GRIA3: variants seen among roughly 807,000 people sequenced by gnomAD.
The protein encoded by GRIA3 is glutamate receptor 3.
GRIA3 carries 3 observed loss-of-function variants against 63.0 expected under a neutral mutation model. The ratio of observed to expected loss-of-function variants is 0.05; its 90% CI spans 0.02 to 0.12. The LOEUF is 0.12. Ranked by LOEUF, GRIA3 falls within the 10% of genes least tolerant of loss-of-function variation. The pLI is 1.00. For synonymous variants in GRIA3, 274 were observed against 257.9 expected, an observed-to-expected ratio of 1.06 and a Z score of -0.60; for missense variants, 347 against 700.9, an observed-to-expected ratio of 0.50 and a Z score of 5.70.
chrX:123,439,240 C>T (rs772344465), intron 12 of GRIA3, among the ~76,000 whole-genome samples: 1 of 111,868 alleles, frequency 8.9e-6, no homozygotes, highest in Admixed American at 9.5e-5. Context: ...CATTGTCCTC[C>T]CTCTGTTTTA....
chrX:123,268,034 G>T (rs1001988235), intron 3 of GRIA3, among the ~76,000 whole-genome samples: 1 of 111,722 alleles, frequency 9.0e-6, no homozygotes, highest in Non-Finnish European at 1.9e-5. Flanking sequence ...AAACGTTACT[G>T]ATCTCACAAT....
chrX:123,342,540 T>G (rs1183712956), intron 4 of GRIA3, among the ~76,000 whole-genome samples: 1 of 112,114 alleles, frequency 8.9e-6, no homozygotes, highest in African/African-American at 3.2e-5. Context: ...TTGTCAGAGC[T>G]TCAGGGACTG....
intron 2 of GRIA3, among the ~76,000 whole-genome samples, chrX:123,220,861 C>G (rs1339380911): frequency 8.9e-6 from 1 of 111,873 alleles, no homozygotes; most frequent in Non-Finnish European, 1.9e-5. Context: ...GGAAATATGA[C>G]TGTCTCAGAG....
chrX:123,464,459 C>G (rs2045824242), intron 12 of GRIA3, among the ~76,000 whole-genome samples: 1 of 111,584 alleles, frequency 9.0e-6, no homozygotes, highest in South Asian at 3.8e-4. Context: ...TTATAATGGT[C>G]TTTGATTAGG....
rs372811132 is a variant in GRIA3 at position 123,398,621 on chromosome X, A to G, written c.913-15A>G. On this transcript the variant is annotated splice_polypyrimidine_tract_variant and intron_variant, in intron 6 of 15. Transcript: ENST00000620443. ...CATTTATCATGATATCTTGTTTTTC[A>G]TGCATCCATTTCAGTATACATCTGC... 2.8e-4 allele frequency: 335 copies of G among 1,187,570 alleles called. 1 individual carries two copies. The African/African-American group carries it at 5.2e-3, about 18-fold the overall frequency.
At chrX:123,202,811 G>A in intron 2 of GRIA3, 1 of 1,137,736 alleles carries the variant, frequency 8.8e-7, no homozygotes, top group Non-Finnish European at 1.2e-6. Context: ...AAATCAGCAA[G>A]GTGGAAGGAA....
rs776213831 is a variant in GRIA3, at chrX:123,310,434, AC to A, written c.509-15591del. On this transcript the variant is annotated intron_variant, in intron 3 of 15. Coordinates refer to ENST00000620443, the MANE Select transcript of GRIA3 (RefSeq NM_007325.5). ...GCTTACTTCTCATCCAGAGATCTAG[AC>A]TTTTCCCTCCATCTTGGCCAGCCAA... Among the ~76,000 whole-genome samples, 45 of 113,040 alleles carry A rather than the reference AC, an allele frequency of 4.0e-4. No individual in the cohort carries two copies. The East Asian group carries it at 6.7e-3, about 17-fold the overall frequency.
chrX:123,301,556 C>T (rs1207043261), intron 3 of GRIA3, among the ~76,000 whole-genome samples: 1 of 111,189 alleles, frequency 9.0e-6, no homozygotes, highest in African/African-American at 3.3e-5. Context: ...TAGAGCAATG[C>T]CCATCACATA....
chrX:123,404,681 C>A (rs1011626767), intron 9 of GRIA3, 27 bp from the exon 10 acceptor site: 1 of 1,049,644 alleles, frequency 9.5e-7, no homozygotes, highest in Non-Finnish European at 1.3e-6. Context: ...TAGGAGTAAT[C>A]CTTTTATCTT....
intron 5 of GRIA3, among the ~76,000 whole-genome samples, chrX:123,365,244 A>C (rs985693273): frequency 9.8e-5 from 11 of 111,738 alleles, no homozygotes; most frequent in Non-Finnish European, 1.5e-4. Context: ...TTTGTCAATC[A>C]CAATAATATT....
intron 3 of GRIA3, among the ~76,000 whole-genome samples, chrX:123,322,570 T>A (rs760666096): frequency 9.0e-6 from 1 of 111,456 alleles, no homozygotes; most frequent in Non-Finnish European, 1.9e-5. Context: ...TTTTCTCTTT[T>A]TTTTTCTCCC....
rs190067418 is a variant in GRIA3, at chrX:123,308,191, G to A, written c.509-17835G>A. Reference sequence around the variant, plus strand: ...CCAATCTGTGTTAACCAGCCAAAGCGTAGTTCTCAGTCGTTATACAAGAAT... The same window carrying A: ...CCAATCTGTGTTAACCAGCCAAAGCATAGTTCTCAGTCGTTATACAAGAAT... On this transcript the variant is annotated intron_variant, in intron 3 of 15. Transcript: ENST00000620443. Among the ~76,000 whole-genome samples, 55 of 111,812 alleles carry A rather than the reference G, an allele frequency of 4.9e-4. 1 individual carries two copies. Among genetic ancestry groups the A allele is most frequent in the African/African-American group, 1.7e-3 (51 of 30,813 alleles).
chrX:123,212,444 T>C lies in GRIA3; in HGVS notation c.268+26454T>C, dbSNP rs749279526. Among the ~76,000 whole-genome samples the C allele has an allele frequency of 1.7e-4, 19 of 111,907 alleles. No homozygotes were observed. In the East Asian group the frequency reaches 5.0e-3, roughly 30 times the overall value. On this transcript the variant is annotated intron_variant, in intron 2 of 15. Transcript: ENST00000620443. ...ACTTCTCTAGAAGTATCTTCATCTTTTGGGCTTTTAAGATATTACCCTGAG... is the reference window on the plus strand; with the variant it reads ...ACTTCTCTAGAAGTATCTTCATCTTCTGGGCTTTTAAGATATTACCCTGAG...
rs1022730244 is a variant in GRIA3, at chrX:123,200,812, C to T, written c.268+14822C>T. On this transcript the variant is annotated intron_variant, in intron 2 of 15. Coordinates refer to ENST00000620443, the MANE Select transcript of GRIA3 (RefSeq NM_007325.5). ...TTTTTCTGGTCTTTTTTGGGATGAT[C>T]ATTATTCCTCCACCGGGTAGGGCAA... 2.7e-5 allele frequency among the ~76,000 whole-genome samples: 3 copies of T among 111,069 alleles called. No homozygotes were observed. In the South Asian group the frequency reaches 1.1e-3, roughly 42 times the overall value.
At chrX:123,329,344 C>T (rs1396902165) in intron 4 of GRIA3, among the ~76,000 whole-genome samples, 1 of 111,977 alleles carries the variant, frequency 8.9e-6, no homozygotes, top group Non-Finnish European at 1.9e-5. Context: ...AAAATATAAG[C>T]AGGTCTTCAA....
chrX:123,362,139 T>A (rs1369695292), intron 5 of GRIA3, among the ~76,000 whole-genome samples: 1 of 111,774 alleles, frequency 8.9e-6, no homozygotes, highest in Non-Finnish European at 1.9e-5. Context: ...AAGTGTTTTT[T>A]TCTATATATA....
At chrX:123,203,336 T>G (rs892612261) in intron 2 of GRIA3, among the ~76,000 whole-genome samples, 3 of 112,099 alleles carry the variant, frequency 2.7e-5, no homozygotes, top group African/African-American at 9.7e-5. Context: ...ATCCTCCCTT[T>G]GCACTGCTGC....
intron 2 of GRIA3, among the ~76,000 whole-genome samples, chrX:123,238,434 A>G (rs1011140755): frequency 2.7e-5 from 3 of 111,921 alleles, no homozygotes; most frequent in Non-Finnish European, 5.6e-5. Context: ...GTTGTAGATC[A>G]AACCAGTACT....
At chrX:123,195,827 T>C (rs1927561947) in intron 2 of GRIA3, among the ~76,000 whole-genome samples, 1 of 111,608 alleles carries the variant, frequency 9.0e-6, no homozygotes, top group African/African-American at 3.3e-5. Context: ...ATTTTGACTT[T>C]CTTCTTATAG....
Sources: gnomAD v4.1 joint callset for allele counts (sites outside exome capture counted in the v4.1 genomes callset) on GRCh38, gnomAD v4.1.1 for gene constraint, MANE v1.5 for transcripts, NCBI Gene and HGNC (gene_info 2026-07-23, HGNC 2026-07-21) for gene names.